The following B3GALT1 variants were observed in gnomAD, a reference collection of about 807,000 sequenced individuals.
The protein encoded by B3GALT1 is UDP-Gal:betaGlcNAc beta 1,3-galactosyltransferase, polypeptide 1.
A neutral mutation model predicts 23.2 loss-of-function variants in B3GALT1; 10 were observed. The observed-to-expected ratio is 0.43, with a 90% CI of 0.27 to 0.73. The LOEUF is 0.73. Among genes scored for constraint, B3GALT1 ranks in the 30% least tolerant of loss-of-function variants. The pLI, the probability that B3GALT1 is intolerant of heterozygous loss-of-function variation, is 0.21. For synonymous variants in B3GALT1, 156 were observed against 141.5 expected (o/e 1.10, Z -0.73); for missense variants, 299 against 405.4 (o/e 0.74, Z 2.25).
chr2:167,349,858 T>G lies in B3GALT1; in HGVS notation c.-511+56524T>G, dbSNP rs553484324. ...AGTGTGTATCTTCTCCCTATAGGAA[T>G]TTTTAATGGCGCATACTTACATCAA... On this transcript the variant is annotated intron_variant, in intron 1 of 4. Transcript: ENST00000392690. 5.9e-5 allele frequency among the ~76,000 whole-genome samples: 9 copies of G among 152,294 alleles called. No homozygotes were observed. In the East Asian group the frequency reaches 1.3e-3, roughly 23 times the overall value.
chr2:167,497,169 A>C (rs983702845), intron 2 of B3GALT1, among the ~76,000 whole-genome samples: 7 of 152,238 alleles, frequency 4.6e-5, no homozygotes, highest in African/African-American at 1.7e-4. Flanking sequence ...AAAGAGAATT[A>C]AGAATGTATA....
At chr2:167,862,955 G>A (rs113200784) in intron 4 of B3GALT1, 10 of 152,286 alleles carry the variant, frequency 6.6e-5, no homozygotes, top group African/African-American at 2.4e-4. Flanking sequence ...CCAGTTGAAT[G>A]TGTCTATTTA....
chr2:167,397,291 CTT>C (rs11308819), intron 1 of B3GALT1, among the ~76,000 whole-genome samples: 2 of 151,092 alleles, frequency 1.3e-5, no homozygotes, highest in African/African-American at 4.9e-5. Context: ...CCTTCTATTC[CTT>C]TTTTTTCCAC....
chr2:167,427,010 G>A (rs1698632133), intron 1 of B3GALT1, among the ~76,000 whole-genome samples: 1 of 152,166 alleles, frequency 6.6e-6, no homozygotes, highest in South Asian at 2.1e-4. Context: ...TCATAGAGTA[G>A]AATATTATAT....
intron 2 of B3GALT1, among the ~76,000 whole-genome samples, chr2:167,616,042 A>G (rs756156855): frequency 7.5e-4 from 113 of 150,468 alleles, no homozygotes; most frequent in Admixed American, 1.5e-3. Flanking sequence ...ATAAGCGTTC[A>G]GTAGAATAAC....
At chr2:167,613,559 G>A (rs184863314) in intron 2 of B3GALT1, among the ~76,000 whole-genome samples, 150 of 151,384 alleles carry the variant, frequency 9.9e-4, no homozygotes, top group African/African-American at 3.5e-3. Flanking sequence ...TTTTTCTTTA[G>A]TCTTGTTTAT....
chr2:167,731,730 C>T (rs529369533), intron 3 of B3GALT1, among the ~76,000 whole-genome samples: 9 of 152,294 alleles, frequency 5.9e-5, no homozygotes, highest in Admixed American at 5.9e-4. Flanking sequence ...AAATTAAAGG[C>T]TTCCATTGCA....
At chr2:167,676,718 G>C (rs1021800577) in intron 3 of B3GALT1, among the ~76,000 whole-genome samples, 1 of 152,130 alleles carries the variant, frequency 6.6e-6, no homozygotes, top group African/African-American at 2.4e-5. Flanking sequence ...CCCACCACCA[G>C]TAGAGACTGG....
chr2:167,551,201 A>C (rs1683737501), intron 2 of B3GALT1, among the ~76,000 whole-genome samples: 2 of 152,184 alleles, frequency 1.3e-5, no homozygotes, highest in Non-Finnish European at 2.9e-5. Context: ...GAAAGGGGAA[A>C]AGTTTTGGTG....
intron 1 of B3GALT1, among the ~76,000 whole-genome samples, chr2:167,319,362 A>T (rs1475044119): frequency 6.6e-6 from 1 of 152,138 alleles, no homozygotes. Flanking sequence ...CCTTTCTAGG[A>T]AGCCTACATC....
At chr2:167,597,628 T>C (rs1684804222) in intron 2 of B3GALT1, among the ~76,000 whole-genome samples, 1 of 152,184 alleles carries the variant, frequency 6.6e-6, no homozygotes, top group African/African-American at 2.4e-5. Context: ...CTAGCTCCAG[T>C]CTGCAAAGCC....
At chr2:167,829,118 C>T (rs1049023882) in intron 4 of B3GALT1, among the ~76,000 whole-genome samples, 1 of 152,224 alleles carries the variant, frequency 6.6e-6, no homozygotes, top group Non-Finnish European at 1.5e-5. Flanking sequence ...ACGTTAATAA[C>T]TGTCTCTTAC....
At chr2:167,797,546 A>C (rs1169061433) in intron 3 of B3GALT1, among the ~76,000 whole-genome samples, 1 of 152,184 alleles carries the variant, frequency 6.6e-6, no homozygotes, top group East Asian at 1.9e-4. Context: ...TCTTTGAGGA[A>C]CTGCCACACT....
At chr2:167,432,742 G>A (rs1045540112) in intron 1 of B3GALT1, among the ~76,000 whole-genome samples, 2 of 152,166 alleles carry the variant, frequency 1.3e-5, no homozygotes, top group African/African-American at 4.8e-5. Flanking sequence ...AAAGGCAGAG[G>A]AAAAACATTA....
intron 1 of B3GALT1, among the ~76,000 whole-genome samples, chr2:167,434,258 A>G (rs1187795199): frequency 2.0e-5 from 3 of 152,298 alleles, no homozygotes; most frequent in African/African-American, 7.2e-5. Context: ...TCTCTTTCAC[A>G]GTTGTAGAAA....
chr2:167,693,361 T>G (rs1686744342), intron 3 of B3GALT1, among the ~76,000 whole-genome samples: 1 of 152,066 alleles, frequency 6.6e-6, no homozygotes, highest in Non-Finnish European at 1.5e-5. Flanking sequence ...AACTTGATGT[T>G]AAAAGGCAGA....
chr2:167,369,292 A>G (rs574751296), intron 1 of B3GALT1, among the ~76,000 whole-genome samples: 97 of 152,286 alleles, frequency 6.4e-4, no homozygotes, highest in Non-Finnish European at 1.2e-3. Flanking sequence ...TACTATCTCC[A>G]TATTCAGAAT....
At chr2:167,444,379 C>T (rs1378337688) in intron 1 of B3GALT1, among the ~76,000 whole-genome samples, 2 of 152,178 alleles carry the variant, frequency 1.3e-5, no homozygotes, top group African/African-American at 2.4e-5. Flanking sequence ...ATCCTGGCCT[C>T]ATACAATGAG....
At chr2:167,401,252 T>G (rs923429516) in intron 1 of B3GALT1, among the ~76,000 whole-genome samples, 1 of 152,120 alleles carries the variant, frequency 6.6e-6, no homozygotes, top group African/African-American at 2.4e-5. Flanking sequence ...CCTTCCGTCT[T>G]TCCTTGTCCC....
Sources: gnomAD v4.1 joint callset for allele counts (sites outside exome capture counted in the v4.1 genomes callset) on GRCh38, gnomAD v4.1.1 for gene constraint, MANE v1.5 for transcripts, NCBI Gene and HGNC (gene_info 2026-07-23, HGNC 2026-07-21) for gene names.